The following BNIP3 variants were observed in gnomAD, a reference collection of about 807,000 sequenced individuals.
BNIP3 encodes BCL2/adenovirus E1B 19 kDa protein-interacting protein 3.
Under a neutral mutation model 23.9 loss-of-function variants are expected in BNIP3, and 16 were observed. That is an observed-to-expected ratio of 0.67 (90% confidence interval 0.45 to 1.01). BNIP3 has a LOEUF of 1.01. BNIP3 is among the 50% of genes least tolerant of loss of function. BNIP3 has a pLI of 0.00. For missense variants in BNIP3, 198 were observed against 248.7 expected (o/e 0.80, Z 1.37); for synonymous variants, 81 against 89.3 (o/e 0.91, Z 0.53).
intron 2 of BNIP3, 76 bp from the exon 3 acceptor site, chr10:131,973,194 G>T: frequency 6.9e-7 from 1 of 1,449,486 alleles, no homozygotes; most frequent in Non-Finnish European, 9.6e-7. Flanking sequence ...AACCCCAAAG[G>T]CAGTGAACCG....
At chr10:131,979,823 A>T (rs998809187) in intron 1 of BNIP3, among the ~76,000 whole-genome samples, 1 of 152,226 alleles carries the variant, frequency 6.6e-6, no homozygotes, top group Non-Finnish European at 1.5e-5. Flanking sequence ...CAGAGGAGAG[A>T]GTGCTTGCTG....
intron 1 of BNIP3, among the ~76,000 whole-genome samples, chr10:131,978,019 T>C (rs1200335310): frequency 6.6e-6 from 1 of 152,134 alleles, no homozygotes; most frequent in Non-Finnish European, 1.5e-5. Flanking sequence ...TAAGGTTGCT[T>C]AATAACCTTA....
chr10:131,973,002 T>C (rs778152044), intron 3 of BNIP3, 32 bp downstream of exon 3: 10 of 1,590,448 alleles, frequency 6.3e-6, no homozygotes, highest in Non-Finnish European at 8.6e-6. Flanking sequence ...TCACAAATAC[T>C]TTTACAACTG....
chr10:131,972,724 G>C (rs2037045740), intron 3 of BNIP3, among the ~76,000 whole-genome samples: 1 of 152,152 alleles, frequency 6.6e-6, no homozygotes, highest in Non-Finnish European at 1.5e-5. Context: ...TCCTCTCTAG[G>C]CTGCAGCCAC....
Position 131,970,608 on chromosome 10 carries a change from T to C in BNIP3, c.539+30A>G, listed in dbSNP as rs1434792994. On this transcript the variant is annotated intron_variant, in intron 5 of 5. Transcript: ENST00000368636. The surrounding 1 kb of genome is among the most constrained non-coding windows in gnomAD (Gnocchi z 4.1). ...CCCAGAATCGCCCCACGACATGCCA[T>C]GACAGGAGTCACACAGTCACATCAC... is the stretch of plus-strand genomic sequence containing the variant. 1 of 1,609,792 alleles carries C rather than the reference T, an allele frequency of 6.2e-7. No individual in the cohort carries two copies. Among genetic ancestry groups the C allele is most frequent in the Non-Finnish European group, 8.5e-7 (1 of 1,177,718 alleles).
intron 2 of BNIP3, chr10:131,973,326 C>G: frequency 1.8e-6 from 1 of 552,786 alleles, no homozygotes. Flanking sequence ...GCTAGCCAGT[C>G]TTCCAGAGAA....
chr10:131,981,656 A>T lies in BNIP3; in HGVS notation c.46+105T>A. 2.3e-6 allele frequency: 3 copies of T among 1,285,108 alleles called. No individual in the cohort carries two copies. The South Asian group carries it at 5.5e-5, about 24-fold the overall frequency. The allele number at this position is 1,285,108 out of a possible 1,614,324, so 79.6% of individuals were successfully genotyped here. A position where few individuals can be genotyped will look rare whatever the true frequency, so the allele number is the denominator to read the frequency against. ...ATGGCGCAGCCTCGCCCGGCCCGCG[A>T]TGCCCCCTAGGCCTCCCCGGCAACC... On this transcript the variant is annotated intron_variant, in intron 1 of 5. Coordinates refer to ENST00000368636, the MANE Select transcript of BNIP3 (RefSeq NM_004052.4).
rs554904629 is a variant in BNIP3 at position 131,974,737 on chromosome 10, A to C, written c.47-794T>G. On this transcript the variant is annotated intron_variant, in intron 1 of 5. Coordinates refer to ENST00000368636, the MANE Select transcript of BNIP3 (RefSeq NM_004052.4). Reference sequence around the variant, plus strand: ...TTTATATAATTTCTAACGAGGTTGAAGACGGTTTTACAAGTTTGCTAGCCA... The same window carrying C: ...TTTATATAATTTCTAACGAGGTTGACGACGGTTTTACAAGTTTGCTAGCCA... 3.3e-5 allele frequency among the ~76,000 whole-genome samples: 5 copies of C among 152,364 alleles called. No individual in the cohort carries two copies. In the South Asian group the frequency reaches 1.0e-3, roughly 32 times the overall value.
At chr10:131,980,672 T>G (rs1349290202) in intron 1 of BNIP3, 1 of 151,614 alleles carries the variant, frequency 6.6e-6, no homozygotes, top group African/African-American at 2.4e-5. Context: ...TCCTGCCTAG[T>G]AAAATCTTTT....
chr10:131,968,755 T>G (rs1452321750), intron 5 of BNIP3, 186 bp from the exon 6 acceptor site: 1 of 517,004 alleles, frequency 1.9e-6, no homozygotes, highest in Non-Finnish European at 3.5e-6. Flanking sequence ...CAATATGTAT[T>G]TTGTATTAAT....
At chr10:131,978,595 C>T (rs998929689) in intron 1 of BNIP3, among the ~76,000 whole-genome samples, 1 of 152,172 alleles carries the variant, frequency 6.6e-6, no homozygotes. Context: ...CAAGGCCACC[C>T]TATGCCCTAA....
chr10:131,973,182 C>G (rs2037053410), intron 2 of BNIP3, 64 bp from the exon 3 acceptor site: 1 of 1,552,486 alleles, frequency 6.4e-7, no homozygotes. Context: ...ATTAGAAGCT[C>G]AAACCCCAAA....
rs920732587 is a variant in BNIP3 at position 131,973,421 on chromosome 10, C to T, written c.198-303G>A. 32 of 465,400 alleles carry T rather than the reference C, an allele frequency of 6.9e-5. No homozygotes were observed. In the Middle Eastern group the frequency reaches 1.7e-3, roughly 25 times the overall value. 28.8% of individuals were successfully genotyped at this position (465,400 alleles called of 1,614,324 possible). On this transcript the variant is annotated intron_variant, in intron 2 of 5. Transcript: ENST00000368636. The stretch of plus-strand genomic sequence containing the variant: ...CTGTTGCACAGCTCTCAAGGGCACG[C>T]GACCTTTGACCACTGTCGGCCACTC...
chr10:131,978,094 A>G (rs2037093604), intron 1 of BNIP3, among the ~76,000 whole-genome samples: 1 of 152,136 alleles, frequency 6.6e-6, no homozygotes, highest in South Asian at 2.1e-4. Flanking sequence ...TAGGCCCCAG[A>G]CGGAAAGGTG....
chr10:131,980,129 C>T (rs2037108262), intron 1 of BNIP3: 1 of 152,272 alleles, frequency 6.6e-6, no homozygotes, highest in Non-Finnish European at 1.5e-5. Context: ...AATCTCGTAA[C>T]TCCGGCGCTG....
Position 131,975,633 on chromosome 10 carries a change from A to T in BNIP3, c.47-1690T>A, listed in dbSNP as rs117937800. ...CCACACACACGAGGCATCTCTCCTGAAAGAGGGCTGGCCTAGGCTCCATAC... is the reference window on the plus strand; with the variant it reads ...CCACACACACGAGGCATCTCTCCTGTAAGAGGGCTGGCCTAGGCTCCATAC... On this transcript the variant is annotated intron_variant, in intron 1 of 5. Coordinates refer to ENST00000368636, the MANE Select transcript of BNIP3 (RefSeq NM_004052.4). 7.2e-3 allele frequency among the ~76,000 whole-genome samples: 1,094 copies of T among 152,262 alleles called. 12 individuals carry two copies. The highest frequency in any genetic ancestry group is 0.012 in the Non-Finnish European group (798 of 68,012).
chr10:131,978,153 G>A (rs751543209), intron 1 of BNIP3, among the ~76,000 whole-genome samples: 12 of 151,932 alleles, frequency 7.9e-5, no homozygotes, highest in Non-Finnish European at 1.2e-4. Flanking sequence ...CTCATTTCGC[G>A]TCCCTCTCAT....
chr10:131,970,892 A>C lies in BNIP3; in HGVS notation c.361T>G (p.Ser121Ala). The change falls in exon 4 of 6, where the codon TCA becomes GCA. Residue 121 changes from serine to alanine, a missense_variant. Ser to Ala is a moderately conservative substitution (Grantham distance 99). Coordinates refer to ENST00000368636, the MANE Select transcript of BNIP3 (RefSeq NM_004052.4). This position sits in a 1 kb window ranked among gnomAD's most constrained non-coding sequence, Gnocchi z 4.1. ...GGGGGAATATTTTCCGGCCGACTTG[A>C]CCAATCCCATATCCAATCTGAGTTT... ...KKNSDWIWDW[S>A]SRPENIPPKE... 6.2e-7 allele frequency: 1 copy of C among 1,614,242 alleles called. No homozygotes were observed. The highest frequency in any genetic ancestry group is 8.5e-7 in the Non-Finnish European group (1 of 1,180,050).
intron 3 of BNIP3, among the ~76,000 whole-genome samples, chr10:131,972,022 G>T (rs563869747): frequency 1.0e-5 from 1 of 100,230 alleles, no homozygotes; most frequent in African/African-American, 5.1e-5. Flanking sequence ...CACCAGCAAC[G>T]AACACCCAAG....
Sources: gnomAD v4.1 joint callset for allele counts (sites outside exome capture counted in the v4.1 genomes callset) on GRCh38, gnomAD v4.1.1 for gene constraint, Gnocchi (gnomAD v3.1) non-coding constraint, MANE v1.5 for transcripts, NCBI Gene and HGNC (gene_info 2026-07-23, HGNC 2026-07-21) for gene names.